The following PPHLN1 variants were observed in gnomAD, a reference collection of about 807,000 sequenced individuals.
PPHLN1 encodes the protein periphilin-1.
PPHLN1 carries 29 observed loss-of-function variants against 51.3 expected under a neutral mutation model. That is an observed-to-expected ratio of 0.57 (90% CI 0.42 to 0.77). PPHLN1 has a LOEUF of 0.77. Among genes scored for constraint, PPHLN1 ranks in the 30% least tolerant of loss-of-function variants. The pLI is 0.00. For missense variants in PPHLN1, 436 were observed against 438.4 expected, an observed-to-expected ratio of 0.99 and a Z score of 0.05; for synonymous variants, 147 against 147.8, an observed-to-expected ratio of 0.99 and a Z score of 0.04.
At chr12:42,382,947 T>C (rs1408503016) in intron 5 of PPHLN1, among the ~76,000 whole-genome samples, 1 of 152,160 alleles carries the variant, frequency 6.6e-6, no homozygotes, top group African/African-American at 2.4e-5. Context: ...TTATCTCTTG[T>C]TGTGTTACAA....
intron 4 of PPHLN1, among the ~76,000 whole-genome samples, chr12:42,366,328 A>G (rs11831464): frequency 0.034 from 5,075 of 150,464 alleles, 307 homozygotes; most frequent in African/African-American, 0.12. Context: ...CCCAGGTTCA[A>G]GTGATTCTCT....
At chr12:42,384,351 A>G (rs2077016880) in intron 5 of PPHLN1, among the ~76,000 whole-genome samples, 1 of 152,174 alleles carries the variant, frequency 6.6e-6, no homozygotes. Context: ...GGGAGCCCTG[A>G]CTACTAGTAT....
intron 9 of PPHLN1, chr12:42,432,238 A>G: frequency 1.3e-6 from 1 of 782,944 alleles, no homozygotes; most frequent in East Asian, 2.4e-5. Flanking sequence ...AATTTGTACC[A>G]TAACTGGAGG....
At chr12:42,346,583 A>G (rs1228353465) in intron 2 of PPHLN1, among the ~76,000 whole-genome samples, 4 of 152,188 alleles carry the variant, frequency 2.6e-5, no homozygotes, top group African/African-American at 7.2e-5. Flanking sequence ...TGGTGATTTC[A>G]TCGCCTTTGG....
intron 2 of PPHLN1, among the ~76,000 whole-genome samples, chr12:42,342,229 G>GCATTCATT (rs140038754): frequency 3.3e-5 from 5 of 151,708 alleles, no homozygotes; most frequent in East Asian, 1.9e-4. Context: ...TGACAGAATG[G>GCATTCATT]CATTCATTCA....
intron 2 of PPHLN1, among the ~76,000 whole-genome samples, chr12:42,337,972 C>T (rs1477341348): frequency 1.3e-5 from 2 of 151,744 alleles, no homozygotes; most frequent in South Asian, 2.1e-4. Context: ...TTAGTAGAGA[C>T]GGGGTTTCAC....
chr12:42,372,146 T>C (rs1366780077), intron 4 of PPHLN1, among the ~76,000 whole-genome samples: 1 of 151,786 alleles, frequency 6.6e-6, no homozygotes, highest in Non-Finnish European at 1.5e-5. Flanking sequence ...CACACACATA[T>C]CTGAAAAAAT....
At chr12:42,385,074 G>A (rs2077082298) in intron 6 of PPHLN1, 78 bp downstream of exon 6, 2 of 1,415,648 alleles carry the variant, frequency 1.4e-6, no homozygotes, top group Non-Finnish European at 2.0e-6. Context: ...TGGAAATGGG[G>A]AAAGTGTATA....
chr12:42,365,913 T>C (rs571298239), intron 4 of PPHLN1, among the ~76,000 whole-genome samples: 2 of 152,354 alleles, frequency 1.3e-5, no homozygotes, highest in East Asian at 3.8e-4. Flanking sequence ...TTGTATTGAA[T>C]GCATTGTATC....
chr12:42,426,228 A>ACACACACACCC (rs371819974), intron 9 of PPHLN1, among the ~76,000 whole-genome samples: 2 of 129,872 alleles, frequency 1.5e-5, no homozygotes, highest in African/African-American at 6.5e-5. Flanking sequence ...ACACACACAC[A>ACACACACACCC]CCCTCATGCA....
chr12:42,349,403 G>GT (rs199541729), intron 2 of PPHLN1, among the ~76,000 whole-genome samples: 2 of 151,596 alleles, frequency 1.3e-5, no homozygotes, highest in Admixed American at 6.6e-5. Flanking sequence ...GTTTTGTTTT[G>GT]TTTTTTAAAT....
At chr12:42,431,742 G>T in intron 9 of PPHLN1, 2 of 1,036,546 alleles carry the variant, frequency 1.9e-6, no homozygotes, top group Non-Finnish European at 3.1e-6. Flanking sequence ...TTCTCCTGGA[G>T]TATGCTGTAG....
intron 4 of PPHLN1, among the ~76,000 whole-genome samples, chr12:42,357,730 A>C (rs961203203): frequency 2.6e-5 from 4 of 152,140 alleles, no homozygotes; most frequent in Non-Finnish European, 4.4e-5. Context: ...TTATTTATTT[A>C]TATTATTTTT....
Position 42,409,646 on chromosome 12 carries a change from ATTTCCTCCCATTGAAAAC to A in PPHLN1, c.909+10672_909+10689del, listed in dbSNP as rs140885076. Among the ~76,000 whole-genome samples, 691 of 151,676 alleles carry A rather than the reference ATTTCCTCCCATTGAAAAC, an allele frequency of 4.6e-3. 1 individual carries two copies. Among genetic ancestry groups the A allele is most frequent in the African/African-American group, 0.016 (668 of 41,370 alleles). On this transcript the variant is annotated intron_variant, in intron 9 of 9. Coordinates refer to ENST00000358314, the MANE Select transcript of PPHLN1 (RefSeq NM_201439.2). ...AATTCCTTGCCAGCAAATATAGTGT[ATTTCCTCCCATTGAAAAC>A]TTTCCTCCCATTGAAAACTGCTTTA...
At chr12:42,423,607 G>C (rs1384839858) in intron 9 of PPHLN1, among the ~76,000 whole-genome samples, 2 of 151,980 alleles carry the variant, frequency 1.3e-5, no homozygotes, top group Non-Finnish European at 2.9e-5. Flanking sequence ...CTTTTTTCCA[G>C]TAGAAGTAGC....
intron 4 of PPHLN1, among the ~76,000 whole-genome samples, chr12:42,374,398 CA>C (rs564637963): frequency 3.6e-4 from 54 of 151,914 alleles, no homozygotes; most frequent in African/African-American, 1.3e-3. Flanking sequence ...TAGCTGACTT[CA>C]ACAGTTAGGT....
chr12:42,424,000 C>T (rs1177281039), intron 9 of PPHLN1, among the ~76,000 whole-genome samples: 1 of 152,148 alleles, frequency 6.6e-6, no homozygotes, highest in Non-Finnish European at 1.5e-5. Context: ...TATAGCCTAT[C>T]TTTAATTATG....
chr12:42,360,271 G>A (rs1413471484), intron 4 of PPHLN1, among the ~76,000 whole-genome samples: 16 of 151,254 alleles, frequency 1.1e-4, no homozygotes, highest in Admixed American at 9.9e-4. Flanking sequence ...TCTTCAATCT[G>A]GAACAGCTCC....
chr12:42,440,249 GTGT>G (rs2082832927), intron 9 of PPHLN1, among the ~76,000 whole-genome samples: 1 of 151,680 alleles, frequency 6.6e-6, no homozygotes. Flanking sequence ...AATATAAATG[GTGT>G]TGTGTTTTAG....
Sources: allele counts gnomAD v4.1 joint callset (sites outside exome capture counted in the v4.1 genomes callset), GRCh38; gene constraint gnomAD v4.1.1; transcripts MANE v1.5; gene names NCBI Gene and HGNC (gene_info 2026-07-23, HGNC 2026-07-21).